The following LEUTX variants were observed in gnomAD, a reference collection of about 807,000 sequenced individuals.
The protein encoded by LEUTX is paired-like homeodomain transcription factor LEUTX.
A neutral mutation model predicts 4.5 loss-of-function variants in LEUTX; 5 were observed. The observed-to-expected ratio is 1.11, with a 90% CI of 0.58 to 2.34. The LOEUF is 2.34. Among genes scored for constraint, LEUTX ranks in the 30% most tolerant of loss-of-function variants. LEUTX has a pLI of 0.01. For synonymous variants in LEUTX, 89 were observed against 85.1 expected (o/e 1.05, Z -0.25); for missense variants, 233 against 239.4 (o/e 0.97, Z 0.18).
Position 39,785,907 on chromosome 19 carries a change from T to C in LEUTX, c.369T>C (p.Asn123=). 6.4e-7 allele frequency: 1 copy of C among 1,551,798 alleles called. No homozygotes were observed. The highest frequency in any genetic ancestry group is 1.7e-4 in the Middle Eastern group (1 of 5,992). ...HDLREPSGIK[N]PGGASASARV... is the part of the protein sequence containing the mutation. Reference sequence around the variant, plus strand: ...TACGTGAGCCTTCTGGTATCAAGAATCCTGGAGGAGCCAGCGCCTCTGCGA... The same window carrying C: ...TACGTGAGCCTTCTGGTATCAAGAACCCTGGAGGAGCCAGCGCCTCTGCGA... The change falls in exon 3 of 3, where the codon AAT becomes AAC. Residue 123 remains asparagine, a synonymous_variant. Transcript: ENST00000638280.
chr19:39,779,514 T>C (rs774380962), intron 1 of LEUTX, among the ~76,000 whole-genome samples: 8 of 152,186 alleles, frequency 5.3e-5, no homozygotes, highest in Non-Finnish European at 1.0e-4. Flanking sequence ...TAGTATGTTT[T>C]TTTTCTTGAG....
Position 39,786,136 on chromosome 19 carries a change from C to G in LEUTX, c.*1C>G. On this transcript the variant is annotated 3_prime_UTR_variant, in exon 3 of 3. Transcript: ENST00000638280. ...TGACCAGCTCCAATCTTCAGTGTAACTTCTTACACATCACTTCTAGGGGAG... is the reference window on the plus strand; with the variant it reads ...TGACCAGCTCCAATCTTCAGTGTAAGTTCTTACACATCACTTCTAGGGGAG... The G allele has an allele frequency of 6.6e-7, 1 of 1,513,322 alleles. No individual in the cohort carries two copies. Among genetic ancestry groups the G allele is most frequent in the African/African-American group, 1.4e-5 (1 of 71,784 alleles). 93.7% of individuals were successfully genotyped at this position (1,513,322 alleles called of 1,614,324 possible).
chr19:39,781,002 C>A (rs994497621), intron 1 of LEUTX, among the ~76,000 whole-genome samples: 2 of 152,078 alleles, frequency 1.3e-5, no homozygotes, highest in African/African-American at 4.8e-5. Context: ...CCGTGCCCAG[C>A]CTTATTTCTT....
upstream of LEUTX, among the ~76,000 whole-genome samples, chr19:39,778,286 C>G (rs1199636411): frequency 2.0e-5 from 3 of 152,166 alleles, no homozygotes; most frequent in African/African-American, 7.2e-5. Flanking sequence ...ATGGGCTCCC[C>G]AGCTGCCCCC....
intron 1 of LEUTX, among the ~76,000 whole-genome samples, chr19:39,784,259 G>T (rs1195068219): frequency 7.9e-5 from 12 of 151,748 alleles, no homozygotes. Flanking sequence ...TTCTTTTTCA[G>T]GTATATCACG....
At chr19:39,778,107 C>T (rs1461440889), upstream of LEUTX, among the ~76,000 whole-genome samples, 2 of 151,990 alleles carry the variant, frequency 1.3e-5, no homozygotes, top group Non-Finnish European at 2.9e-5. Flanking sequence ...TAAGACCCAT[C>T]ATGGAGAAGA....
chr19:39,785,647 C>T (rs1967955614), intron 2 of LEUTX, 51 bp from the exon 3 acceptor site: 42 of 1,378,234 alleles, frequency 3.0e-5, no homozygotes, highest in Admixed American at 1.2e-4. Context: ...CATGAGGATG[C>T]CCCTTTATAC....
intron 1 of LEUTX, among the ~76,000 whole-genome samples, chr19:39,780,235 T>C (rs956502084): frequency 6.6e-6 from 1 of 152,178 alleles, no homozygotes; most frequent in African/African-American, 2.4e-5. Context: ...CCTCTCAGCT[T>C]GGTAGATGAT....
chr19:39,779,791 A>T (rs1177578042), intron 1 of LEUTX, among the ~76,000 whole-genome samples: 1 of 152,144 alleles, frequency 6.6e-6, no homozygotes, highest in Non-Finnish European at 1.5e-5. Flanking sequence ...AGGCAGGCGG[A>T]TCTCTTGAGG....
intron 1 of LEUTX, among the ~76,000 whole-genome samples, chr19:39,781,264 A>G (rs1417452162): frequency 1.3e-5 from 2 of 152,230 alleles, no homozygotes; most frequent in African/African-American, 4.8e-5. Flanking sequence ...ATAATTGGGC[A>G]GCATGTTGGC....
At chr19:39,776,523 G>A, upstream of LEUTX, 2 of 443,356 alleles carry the variant, frequency 4.5e-6, no homozygotes, top group South Asian at 3.2e-5. Flanking sequence ...TGATGAGAAA[G>A]TAGGGAATGA....
upstream of LEUTX, among the ~76,000 whole-genome samples, chr19:39,778,663 C>CTTTT (rs34540141): frequency 1.7e-5 from 2 of 119,610 alleles, no homozygotes; most frequent in Non-Finnish European, 1.7e-5. Flanking sequence ...AAGGATCAGT[C>CTTTT]TTTTTTTTTT....
At chr19:39,783,125 A>G (rs1599617647) in intron 1 of LEUTX, among the ~76,000 whole-genome samples, 1 of 151,622 alleles carries the variant, frequency 6.6e-6, no homozygotes, top group Non-Finnish European at 1.5e-5. Flanking sequence ...GTGTGAACAT[A>G]TGATGTTTGG....
At chr19:39,781,221 C>G (rs2144955802) in intron 1 of LEUTX, among the ~76,000 whole-genome samples, 1 of 152,244 alleles carries the variant, frequency 6.6e-6, no homozygotes, top group South Asian at 2.1e-4. Context: ...CTAAGAGAAA[C>G]CCATGTGCCC....
At chr19:39,782,329 G>T (rs989839878) in intron 1 of LEUTX, among the ~76,000 whole-genome samples, 1 of 152,066 alleles carries the variant, frequency 6.6e-6, no homozygotes, top group Admixed American at 6.6e-5. Context: ...TCCCCCATAC[G>T]GTGCTCATGG....
chr19:39,782,577 T>A (rs1332012315), intron 1 of LEUTX, among the ~76,000 whole-genome samples: 2 of 152,108 alleles, frequency 1.3e-5, no homozygotes, highest in Non-Finnish European at 1.5e-5. Context: ...CAGAAAGATG[T>A]CCCCAAGTTG....
intron 1 of LEUTX, among the ~76,000 whole-genome samples, chr19:39,783,539 G>A (rs1275556138): frequency 2.0e-5 from 3 of 151,846 alleles, no homozygotes; most frequent in Admixed American, 1.3e-4. Flanking sequence ...TTGCTGGATC[G>A]AATGGTAGTT....
intron 1 of LEUTX, among the ~76,000 whole-genome samples, chr19:39,781,119 C>T (rs2144955731): frequency 6.6e-6 from 1 of 152,124 alleles, no homozygotes; most frequent in East Asian, 1.9e-4. Context: ...TCCCTCTCTC[C>T]CTTTCTTGCT....
chr19:39,784,514 G>C lies in LEUTX; in HGVS notation c.8-13G>C. 1 of 850,440 alleles carries C rather than the reference G, an allele frequency of 1.2e-6. No individual in the cohort carries two copies. The highest frequency in any genetic ancestry group is 1.4e-5 in the South Asian group (1 of 70,146). 52.7% of individuals were successfully genotyped at this position (850,440 alleles called of 1,614,324 possible). On this transcript the variant is annotated splice_polypyrimidine_tract_variant and intron_variant, in intron 1 of 2. Transcript: ENST00000638280. ...TTTTTTTAATGAAAGCCTTTTATCT[G>C]TTCCCTCTGCAGAAGGGCCAAGGCG... is the stretch of plus-strand genomic sequence containing the variant.
Sources: gnomAD v4.1 joint callset for allele counts (sites outside exome capture counted in the v4.1 genomes callset) on GRCh38, gnomAD v4.1.1 for gene constraint, MANE v1.5 for transcripts, NCBI Gene and HGNC (gene_info 2026-07-23, HGNC 2026-07-21) for gene names.